The following AGPAT3 variants were observed in gnomAD, a reference collection of about 807,000 sequenced individuals.
AGPAT3 encodes the protein 1-acyl-sn-glycerol-3-phosphate acyltransferase gamma.
In AGPAT3, 5 loss-of-function variants were observed where a neutral mutation model predicts 47.3. The observed-to-expected ratio is 0.11, with a 90% CI of 0.06 to 0.22. AGPAT3 has a LOEUF of 0.22. AGPAT3 is among the 10% of genes least tolerant of loss of function. AGPAT3 has a pLI of 1.00. For synonymous variants in AGPAT3, 212 were observed against 208.3 expected (o/e 1.02, Z -0.15); for missense variants, 315 against 493.0 (o/e 0.64, Z 3.42).
intron 2 of AGPAT3, among the ~76,000 whole-genome samples, chr21:43,935,611 G>T (rs9985035): frequency 0.75 from 114,376 of 152,148 alleles, 43,143 homozygotes; most frequent in Admixed American, 0.83. Flanking sequence ...GATGCTCACT[G>T]CTCGGTAGGG....
At chr21:43,931,472 T>A (rs1388203951) in intron 2 of AGPAT3, among the ~76,000 whole-genome samples, 1 of 152,234 alleles carries the variant, frequency 6.6e-6, no homozygotes, top group Non-Finnish European at 1.5e-5. Flanking sequence ...AGTTTTCATG[T>A]CCAGGGAAAT....
At chr21:43,940,568 C>G (rs901868602) in intron 2 of AGPAT3, among the ~76,000 whole-genome samples, 1 of 152,232 alleles carries the variant, frequency 6.6e-6, no homozygotes, top group Admixed American at 6.5e-5. Context: ...CAGAACATTC[C>G]TGAAGGAGCT....
chr21:43,968,232 T>A, intron 4 of AGPAT3, 117 bp downstream of exon 4: 2 of 343,638 alleles, frequency 5.8e-6, no homozygotes, highest in South Asian at 5.2e-5. Flanking sequence ...GGGCTGGGGG[T>A]GGGGTGGTGA....
rs560436470 is a variant in AGPAT3, at chr21:43,940,601, C to T, written c.-48-19033C>T. On this transcript the variant is annotated intron_variant, in intron 2 of 9. Transcript: ENST00000291572. The stretch of plus-strand genomic sequence containing the variant: ...GCTGAGCGGTTTCATACCATCTGGG[C>T]GGTGTTTGTAGATGCCTGGCATGTC... Among the ~76,000 whole-genome samples, 7 of 152,312 alleles carry T rather than the reference C, an allele frequency of 4.6e-5. No individual in the cohort carries two copies. The South Asian group carries it at 8.3e-4, about 18-fold the overall frequency.
At chr21:43,958,989 TGCG>T (rs2088656709) in intron 2 of AGPAT3, among the ~76,000 whole-genome samples, 2 of 146,502 alleles carry the variant, frequency 1.4e-5, no homozygotes, top group Non-Finnish European at 1.5e-5. Context: ...GTGTGTGGTT[TGCG>T]GTGTGTGTGT....
At chr21:43,899,310 G>A (rs1215149150) in intron 1 of AGPAT3, among the ~76,000 whole-genome samples, 1 of 152,176 alleles carries the variant, frequency 6.6e-6, no homozygotes, top group African/African-American at 2.4e-5. Context: ...TTTGTGTGAA[G>A]ACATCCTTGT....
chr21:43,960,196 G>A (rs1175773927), intron 3 of AGPAT3, among the ~76,000 whole-genome samples: 7 of 152,326 alleles, frequency 4.6e-5, no homozygotes, highest in African/African-American at 1.7e-4. Context: ...CCCCTCGTGT[G>A]TCCTGCCCAC....
intron 2 of AGPAT3, among the ~76,000 whole-genome samples, chr21:43,949,606 G>T (rs7283216): frequency 0.25 from 38,247 of 152,204 alleles, 5,728 homozygotes; most frequent in African/African-American, 0.42. Context: ...TAGACTCCAT[G>T]TCTTGGCAGG....
At chr21:43,885,753 C>T (rs778885549) in intron 1 of AGPAT3, among the ~76,000 whole-genome samples, 7 of 152,220 alleles carry the variant, frequency 4.6e-5, no homozygotes, top group Non-Finnish European at 1.0e-4. Flanking sequence ...TGGCCCCAGG[C>T]CCAGCCCTGT....
rs185069238 is a variant in AGPAT3, at chr21:43,939,430, T to C, written c.-48-20204T>C. On this transcript the variant is annotated intron_variant, in intron 2 of 9. Transcript: ENST00000291572. This position sits in a 1 kb window ranked among gnomAD's most constrained non-coding sequence, Gnocchi z 4.4. Reference sequence around the variant, plus strand: ...TTTAGCCTTTGAACTCCATTTCAGATTGAGAGGTTTCAGGCTGGAGTGACA... The same window carrying C: ...TTTAGCCTTTGAACTCCATTTCAGACTGAGAGGTTTCAGGCTGGAGTGACA... 1.6e-4 allele frequency among the ~76,000 whole-genome samples: 25 copies of C among 152,172 alleles called. No individual in the cohort carries two copies. Among genetic ancestry groups the C allele is most frequent in the African/African-American group, 4.8e-4 (20 of 41,526 alleles).
intron 2 of AGPAT3, among the ~76,000 whole-genome samples, chr21:43,943,074 C>CT (rs1238630753): frequency 1.3e-5 from 2 of 151,654 alleles, no homozygotes; most frequent in East Asian, 3.9e-4. Flanking sequence ...TTCTTTTTTT[C>CT]TTTTTTTTGG....
At chr21:43,916,640 G>T (rs2086736757) in intron 2 of AGPAT3, among the ~76,000 whole-genome samples, 2 of 151,138 alleles carry the variant, frequency 1.3e-5, no homozygotes, top group Non-Finnish European at 2.9e-5. Context: ...TCTATCTGCA[G>T]AGTTGGGGTT....
chr21:43,913,288 C>T (rs978969596), intron 2 of AGPAT3, among the ~76,000 whole-genome samples: 1 of 152,144 alleles, frequency 6.6e-6, no homozygotes, highest in African/African-American at 2.4e-5. Context: ...AACCTATGGG[C>T]AGTTTACACT....
Position 43,930,248 on chromosome 21 carries a change from C to T in AGPAT3, c.-49+26229C>T, listed in dbSNP as rs546592054. The stretch of plus-strand genomic sequence containing the variant: ...GTTGTGGGAGGTCTCAGGGCAGAGA[C>T]GCCGCACGGTGGGGTAGGGGGCTCT... On this transcript the variant is annotated intron_variant, in intron 2 of 9. Transcript: ENST00000291572. This position sits in a 1 kb window ranked among gnomAD's most constrained non-coding sequence, Gnocchi z 5.0. Among the ~76,000 whole-genome samples the T allele has an allele frequency of 9.8e-5, 15 of 152,310 alleles. No individual in the cohort carries two copies. Among genetic ancestry groups the T allele is most frequent in the African/African-American group, 3.1e-4 (13 of 41,594 alleles).
chr21:43,960,190 T>C (rs2088760992), intron 3 of AGPAT3, among the ~76,000 whole-genome samples: 1 of 152,208 alleles, frequency 6.6e-6, no homozygotes, highest in African/African-American at 2.4e-5. Context: ...ACATGGCCCC[T>C]CGTGTGTCCT....
Position 43,917,327 on chromosome 21 carries a change from C to T in AGPAT3, c.-49+13308C>T, listed in dbSNP as rs151125804. Among the ~76,000 whole-genome samples the T allele has an allele frequency of 1.2e-3, 188 of 152,338 alleles. 1 individual carries two copies. Among genetic ancestry groups the T allele is most frequent in the African/African-American group, 4.3e-3 (179 of 41,572 alleles). Reference sequence around the variant, plus strand: ...GCACTGCCGTGGCACAACCCTCCCTCCGGGTCTCTGCTGAGCCCTCCAGGC... The same window carrying T: ...GCACTGCCGTGGCACAACCCTCCCTTCGGGTCTCTGCTGAGCCCTCCAGGC... On this transcript the variant is annotated intron_variant, in intron 2 of 9. Coordinates refer to ENST00000291572, the MANE Select transcript of AGPAT3 (RefSeq NM_020132.5).
chr21:43,969,092 G>C, intron 4 of AGPAT3, 26 bp from the exon 5 acceptor site: 1 of 1,612,610 alleles, frequency 6.2e-7, no homozygotes. Flanking sequence ...TGAAGTGCCA[G>C]GTGCCCCTCC....
At chr21:43,972,532 T>G (rs1253156390) in intron 7 of AGPAT3, among the ~76,000 whole-genome samples, 1 of 151,866 alleles carries the variant, frequency 6.6e-6, no homozygotes, top group Admixed American at 6.6e-5. Flanking sequence ...AAAATGGGAG[T>G]GGCGTGTCTA....
intron 3 of AGPAT3, chr21:43,960,819 G>A: frequency 1.0e-6 from 1 of 955,312 alleles, no homozygotes; most frequent in Non-Finnish European, 1.2e-6. Flanking sequence ...AAAGGATGCT[G>A]TGTGTGTGGT....
Sources: allele counts gnomAD v4.1 joint callset (sites outside exome capture counted in the v4.1 genomes callset), GRCh38; gene constraint gnomAD v4.1.1; non-coding constraint Gnocchi (gnomAD v3.1); transcripts MANE v1.5; gene names NCBI Gene and HGNC (gene_info 2026-07-23, HGNC 2026-07-21).